NDUFA8: variants seen among roughly 807,000 people sequenced by gnomAD.
NDUFA8 encodes NADH:ubiquinone oxidoreductase subunit A8.
NDUFA8 carries 16 observed loss-of-function variants against 20.9 expected under a neutral mutation model. The observed-to-expected ratio is 0.77, with a 90% CI of 0.52 to 1.16. NDUFA8 has a LOEUF of 1.16. Among genes scored for constraint, NDUFA8 ranks in the 50% most tolerant of loss-of-function variants. The pLI is 0.00. For missense variants in NDUFA8, 202 were observed against 216.4 expected (o/e 0.93, Z 0.42); for synonymous variants, 70 against 76.1 (o/e 0.92, Z 0.41).
chr9:122,143,188 G>A (rs928069024), downstream of NDUFA8, among the ~76,000 whole-genome samples: 2 of 152,130 alleles, frequency 1.3e-5, no homozygotes, highest in Non-Finnish European at 2.9e-5. Flanking sequence ...GAATGAGCTC[G>A]AAGGGCCTTT....
intron 1 of NDUFA8, among the ~76,000 whole-genome samples, chr9:122,155,326 G>A (rs1308228570): frequency 3.9e-5 from 6 of 152,164 alleles, no homozygotes; most frequent in South Asian, 2.1e-4. Context: ...TGATCCTCCC[G>A]CCTCAGCCTC....
chr9:122,147,007 A>C (rs1828914491), intron 3 of NDUFA8, among the ~76,000 whole-genome samples: 2 of 152,244 alleles, frequency 1.3e-5, no homozygotes, highest in East Asian at 3.8e-4. Flanking sequence ...GTTATGGAGA[A>C]GATGCTTTAT....
At chr9:122,153,602 C>T (rs977904427) in intron 1 of NDUFA8, among the ~76,000 whole-genome samples, 17 of 152,168 alleles carry the variant, frequency 1.1e-4, no homozygotes, top group Admixed American at 8.5e-4. Context: ...CCAGGGCCTA[C>T]AAACAGCTGC....
At chr9:122,155,818 G>A (rs77745677) in intron 1 of NDUFA8, among the ~76,000 whole-genome samples, 12 of 152,094 alleles carry the variant, frequency 7.9e-5, no homozygotes, top group Middle Eastern at 3.4e-3. Flanking sequence ...AAAACTATAC[G>A]GCCCAAAAAG....
At chr9:122,143,281 C>G (rs1327135198), downstream of NDUFA8, among the ~76,000 whole-genome samples, 1 of 152,056 alleles carries the variant, frequency 6.6e-6, no homozygotes, top group Non-Finnish European at 1.5e-5. Context: ...AAGACTTATG[C>G]GGGGTCATAC....
chr9:122,159,058 A>T (rs1829130731), intron 1 of NDUFA8, among the ~76,000 whole-genome samples: 1 of 152,106 alleles, frequency 6.6e-6, no homozygotes, highest in Non-Finnish European at 1.5e-5. Context: ...TTCCAGCGTT[A>T]TGTGTACACG....
At position 122,151,878 on chromosome 9, in the gene NDUFA8, T is replaced by A. The variant is rs113613564; in HGVS notation, c.215+367A>T. On this transcript the variant is annotated intron_variant, in intron 2 of 3. Coordinates refer to ENST00000373768, the MANE Select transcript of NDUFA8 (RefSeq NM_014222.3). ...CCATCATACCTGTGTTCTGTAGTAA[T>A]GACAACAACCTAGTGAATGCCTGCT... Among the ~76,000 whole-genome samples, 146 of 152,354 alleles carry A rather than the reference T, an allele frequency of 9.6e-4. 2 individuals carry two copies. The highest frequency in any genetic ancestry group is 3.4e-3 in the African/African-American group (141 of 41,584).
At chr9:122,158,708 T>C (rs1348283639) in intron 1 of NDUFA8, among the ~76,000 whole-genome samples, 1 of 149,852 alleles carries the variant, frequency 6.7e-6, no homozygotes, top group Non-Finnish European at 1.5e-5. Context: ...TATATATATA[T>C]GGTATATACA....
rs546729732 is a variant in NDUFA8, at chr9:122,158,729, T to C, written c.51+898A>G. ...TATATGGTATATACATATATATATA[T>C]ACACCAATTGTGTATATATATATAT... On this transcript the variant is annotated intron_variant, in intron 1 of 3. Transcript: ENST00000373768. 1.3e-4 allele frequency among the ~76,000 whole-genome samples: 20 copies of C among 149,710 alleles called. No homozygotes were observed. The East Asian group carries it at 1.8e-3, about 13-fold the overall frequency.
intron 3 of NDUFA8, among the ~76,000 whole-genome samples, chr9:122,146,237 T>C (rs1015959821): frequency 1.3e-5 from 2 of 152,204 alleles, no homozygotes; most frequent in African/African-American, 2.4e-5. Context: ...AGTGCTAGAA[T>C]TGCAGGTGTG....
At chr9:122,136,225 C>T in the NDUFA8 span, among the ~76,000 whole-genome samples, 1 of 152,152 alleles carries the variant, frequency 6.6e-6, no homozygotes, top group Non-Finnish European at 1.5e-5. Context: ...GCTTAACGTA[C>T]TTGAATCAGT....
the NDUFA8 span, among the ~76,000 whole-genome samples, chr9:122,138,326 T>G: frequency 1.3e-5 from 2 of 152,252 alleles, no homozygotes; most frequent in African/African-American, 4.8e-5. Context: ...TTTATATTTC[T>G]TATTACCGCA....
intron 1 of NDUFA8, among the ~76,000 whole-genome samples, chr9:122,152,684 T>C (rs910078430): frequency 6.6e-6 from 1 of 151,908 alleles, no homozygotes; most frequent in Non-Finnish European, 1.5e-5. Flanking sequence ...GCCTCCCAAG[T>C]AGCTGGGATT....
chr9:122,143,121 G>C (rs554897479), downstream of NDUFA8, among the ~76,000 whole-genome samples: 1 of 152,088 alleles, frequency 6.6e-6, no homozygotes, highest in Non-Finnish European at 1.5e-5. Context: ...TCAGGCAACA[G>C]ACCCTGCACC....
At chr9:122,154,646 T>C (rs535966895) in intron 1 of NDUFA8, among the ~76,000 whole-genome samples, 1 of 152,374 alleles carries the variant, frequency 6.6e-6, no homozygotes, top group South Asian at 2.1e-4. Context: ...TCTGCTACTT[T>C]ATTTTTTTCT....
At chr9:122,133,083 A>C in the NDUFA8 span, 2 of 451,742 alleles carry the variant, frequency 4.4e-6, no homozygotes, top group Non-Finnish European at 8.9e-6. Flanking sequence ...TACTTCCTGC[A>C]TTTCATGGGT....
chr9:122,133,648 C>T, the NDUFA8 span, among the ~76,000 whole-genome samples: 88,296 of 151,896 alleles, frequency 0.58, 26,825 homozygotes, highest in Middle Eastern at 0.71. Context: ...AATGGACTGG[C>T]AGAGAGGAGA....
Position 122,157,919 on chromosome 9 carries a change from C to T in NDUFA8, c.51+1708G>A, listed in dbSNP as rs539650101. ...CTGTAATCCCAGCACTTTGGGAGGC[C>T]GAGGCAGGCAGATTACGAGGTCAGG... On this transcript the variant is annotated intron_variant, in intron 1 of 3. Coordinates refer to ENST00000373768, the MANE Select transcript of NDUFA8 (RefSeq NM_014222.3). Among the ~76,000 whole-genome samples the T allele has an allele frequency of 2.4e-4, 36 of 152,182 alleles. 1 individual carries two copies. Among genetic ancestry groups the T allele is most frequent in the South Asian group, 8.3e-4 (4 of 4,804 alleles).
At chr9:122,144,436 A>T in intron 3 of NDUFA8, 58 bp from the exon 4 acceptor site, 1 of 1,528,140 alleles carries the variant, frequency 6.5e-7, no homozygotes, top group South Asian at 1.1e-5. Flanking sequence ...GGAATCTGTA[A>T]CCATCAATGC....
Sources: gnomAD v4.1 joint callset for allele counts (sites outside exome capture counted in the v4.1 genomes callset) on GRCh38, gnomAD v4.1.1 for gene constraint, MANE v1.5 for transcripts, NCBI Gene and HGNC (gene_info 2026-07-23, HGNC 2026-07-21) for gene names.